The following PCDH7 variants were observed in gnomAD, a reference collection of about 807,000 sequenced individuals.
PCDH7 encodes the protein protocadherin-7.
A neutral mutation model predicts 58.9 loss-of-function variants in PCDH7; 17 were observed. The ratio of observed to expected loss-of-function variants is 0.29; its 90% CI spans 0.20 to 0.43. The LOEUF (loss-of-function observed/expected upper bound fraction) is 0.43. Among genes scored for constraint, PCDH7 ranks in the 20% least tolerant of loss-of-function variants. The pLI is 1.00. For missense variants in PCDH7, 1,274 were observed against 1,441.0 expected (o/e 0.88, Z 1.88); for synonymous variants, 664 against 616.4 (o/e 1.08, Z -1.14).
chr4:30,900,278 G>T (rs1284863750), intron 1 of PCDH7, among the ~76,000 whole-genome samples: 1 of 152,140 alleles, frequency 6.6e-6, no homozygotes, highest in Admixed American at 6.5e-5. Flanking sequence ...TGTGAGCAAA[G>T]AATAGAACCA....
At chr4:30,818,276 C>T (rs1727945812) in intron 1 of PCDH7, among the ~76,000 whole-genome samples, 1 of 152,048 alleles carries the variant, frequency 6.6e-6, no homozygotes, top group Non-Finnish European at 1.5e-5. Flanking sequence ...TGATATTTAC[C>T]TATTTATTTA....
chr4:30,776,973 C>A (rs988133506), intron 1 of PCDH7, among the ~76,000 whole-genome samples: 1 of 151,888 alleles, frequency 6.6e-6, no homozygotes, highest in Non-Finnish European at 1.5e-5. Flanking sequence ...GTAATATTCC[C>A]TACCTGAAAA....
At chr4:30,823,160 G>A (rs1728583911) in intron 1 of PCDH7, among the ~76,000 whole-genome samples, 1 of 152,124 alleles carries the variant, frequency 6.6e-6, no homozygotes, top group Non-Finnish European at 1.5e-5. Context: ...GCTTCGCAGG[G>A]TTGATAACAT....
At chr4:30,773,752 G>T (rs1272952396) in intron 1 of PCDH7, among the ~76,000 whole-genome samples, 1 of 152,076 alleles carries the variant, frequency 6.6e-6, no homozygotes, top group Admixed American at 6.5e-5. Context: ...AAAGTTGAGG[G>T]AAAACTTCAC....
At chr4:31,091,564 T>A (rs1578771956) in intron 3 of PCDH7, among the ~76,000 whole-genome samples, 1 of 151,886 alleles carries the variant, frequency 6.6e-6, no homozygotes, top group South Asian at 2.1e-4. Flanking sequence ...TATTAATCAA[T>A]AATTGGTTTA....
chr4:30,818,210 C>A (rs912052163), intron 1 of PCDH7, among the ~76,000 whole-genome samples: 4 of 152,174 alleles, frequency 2.6e-5, no homozygotes, highest in Non-Finnish European at 5.9e-5. Context: ...AAACCCGATT[C>A]TTCTTCCCTT....
At chr4:30,939,024 T>C (rs1447247830) in intron 2 of PCDH7, among the ~76,000 whole-genome samples, 2 of 152,138 alleles carry the variant, frequency 1.3e-5, no homozygotes, top group Non-Finnish European at 2.9e-5. Flanking sequence ...AGTGGACTGC[T>C]CAAGTACTTC....
chr4:30,725,711 T>C (rs961016559), intron 1 of PCDH7, among the ~76,000 whole-genome samples: 2 of 152,100 alleles, frequency 1.3e-5, no homozygotes, highest in Admixed American at 1.3e-4. Context: ...ACAGTTATGA[T>C]TGTCAATCTA....
chr4:31,029,761 G>A (rs1286800345), intron 3 of PCDH7, among the ~76,000 whole-genome samples: 1 of 152,114 alleles, frequency 6.6e-6, no homozygotes, highest in African/African-American at 2.4e-5. Context: ...CAGGCAGATA[G>A]GCCTGATACT....
rs1205256747 is a variant in PCDH7, at chr4:30,968,394, A to ACACACAC, written c.*7+18179_*7+18180insCACACAC. On this transcript the variant is annotated intron_variant, in intron 3 of 3. Transcript: ENST00000509759. ...ACACACACTATATATATATATATAT[A>ACACACAC]TATATATATATATATATATATGGGA... Among the ~76,000 whole-genome samples the ACACACAC allele has an allele frequency of 2.2e-3, 121 of 56,106 alleles. 2 individuals are homozygous for ACACACAC. The highest frequency in any genetic ancestry group is 3.2e-3 in the Non-Finnish European group (106 of 32,624). 36.8% of individuals were successfully genotyped at this position (56,106 alleles called of 152,430 possible).
intron 3 of PCDH7, among the ~76,000 whole-genome samples, chr4:31,040,202 A>G (rs1019860891): frequency 1.3e-5 from 2 of 152,220 alleles, no homozygotes; most frequent in Admixed American, 1.3e-4. Context: ...ATCAGGATAT[A>G]GAATATTTCT....
chr4:30,828,189 G>T (rs1318460214), intron 1 of PCDH7, among the ~76,000 whole-genome samples: 1 of 151,824 alleles, frequency 6.6e-6, no homozygotes, highest in African/African-American at 2.4e-5. Context: ...AAAAGGAGTT[G>T]ATGTATAAAA....
chr4:31,009,539 A>C (rs1695774558), intron 3 of PCDH7, among the ~76,000 whole-genome samples: 1 of 152,004 alleles, frequency 6.6e-6, no homozygotes, highest in Admixed American at 6.6e-5. Context: ...ATGACTTCTA[A>C]TGGGGCAAAA....
chr4:31,122,029 GAAGCA>G (rs1002584857), intron 3 of PCDH7, among the ~76,000 whole-genome samples: 1 of 151,836 alleles, frequency 6.6e-6, no homozygotes, highest in Admixed American at 6.6e-5. Flanking sequence ...TTCCCCAAAA[GAAGCA>G]AAAGCAAGTC....
chr4:31,139,524 T>C (rs2109346030), intron 3 of PCDH7, among the ~76,000 whole-genome samples: 1 of 152,350 alleles, frequency 6.6e-6, no homozygotes, highest in Middle Eastern at 3.4e-3. Flanking sequence ...AGTATGTCTT[T>C]TATGGAAAGA....
intron 3 of PCDH7, among the ~76,000 whole-genome samples, chr4:31,026,817 T>C (rs902759127): frequency 6.6e-6 from 1 of 152,140 alleles, no homozygotes; most frequent in Non-Finnish European, 1.5e-5. Context: ...TTTAAGAGCA[T>C]GGCCTAATGG....
intron 3 of PCDH7, among the ~76,000 whole-genome samples, chr4:30,978,175 G>C (rs1750241185): frequency 1.3e-5 from 2 of 152,114 alleles, no homozygotes; most frequent in Admixed American, 1.3e-4. Context: ...GATTACATAA[G>C]AAAACATCTT....
chr4:30,878,755 C>G (rs898603238), intron 1 of PCDH7, among the ~76,000 whole-genome samples: 4 of 151,992 alleles, frequency 2.6e-5, no homozygotes, highest in Non-Finnish European at 4.4e-5. Context: ...GAGGCTGAGG[C>G]AGGAAAATCG....
chr4:30,901,954 T>C (rs1183959576), intron 1 of PCDH7, among the ~76,000 whole-genome samples: 2 of 152,204 alleles, frequency 1.3e-5, no homozygotes, highest in African/African-American at 4.8e-5. Flanking sequence ...CATTGCCTGA[T>C]GAATAAGAAC....
Sources: gnomAD v4.1 joint callset for allele counts (sites outside exome capture counted in the v4.1 genomes callset) on GRCh38, gnomAD v4.1.1 for gene constraint, MANE v1.5 for transcripts, NCBI Gene and HGNC (gene_info 2026-07-23, HGNC 2026-07-21) for gene names.